The following GRIN3A variants were observed in gnomAD, a reference collection of about 807,000 sequenced individuals.
GRIN3A encodes the protein glutamate ionotropic receptor NMDA type subunit 3A, also known as glutamate receptor ionotropic, NMDA 3A.
Under a neutral mutation model 92.4 loss-of-function variants are expected in GRIN3A, and 47 were observed. The observed-to-expected ratio is 0.51, with a 90% confidence interval of 0.40 to 0.65. GRIN3A has a LOEUF of 0.65. Among genes scored for constraint, GRIN3A ranks in the 30% least tolerant of loss-of-function variants. GRIN3A has a pLI of 0.00. For synonymous variants in GRIN3A, 527 were observed against 540.6 expected (o/e 0.97, Z 0.35); for missense variants, 1,324 against 1,393.1 (o/e 0.95, Z 0.79).
rs139169455 is a variant in GRIN3A at position 101,579,525 on chromosome 9, A to G, written c.2767-165T>C. Among the ~76,000 whole-genome samples the G allele has an allele frequency of 3.3e-5, 5 of 152,326 alleles. No homozygotes were observed. The East Asian group carries it at 9.6e-4, about 29-fold the overall frequency. The stretch of plus-strand genomic sequence containing the variant: ...TGTGACCTTCATTATACATCATGAA[A>G]GAAATTCAGCCAGGGTTGGACTGAG... On this transcript the variant is annotated intron_variant, in intron 6 of 8. Transcript: ENST00000361820.
intron 6 of GRIN3A, among the ~76,000 whole-genome samples, chr9:101,609,861 T>A (rs1828336487): frequency 6.6e-6 from 1 of 152,206 alleles, no homozygotes; most frequent in Admixed American, 6.5e-5. Context: ...TCAAATTTTT[T>A]AAATTAAAAA....
intron 6 of GRIN3A, among the ~76,000 whole-genome samples, chr9:101,606,906 A>ATTTTTTTTT (rs536780165): frequency 6.6e-4 from 57 of 86,208 alleles, no homozygotes; most frequent in African/African-American, 8.3e-4. Context: ...AAAAAATTAC[A>ATTTTTTTTT]TTTTTTTTTT....
chr9:101,719,852 G>A (rs1461965259), intron 1 of GRIN3A, among the ~76,000 whole-genome samples: 1 of 152,088 alleles, frequency 6.6e-6, no homozygotes, highest in African/African-American at 2.4e-5. Flanking sequence ...ATATAAACTA[G>A]CAATCCTAGC....
chr9:101,716,984 T>A (rs567865181), intron 1 of GRIN3A, among the ~76,000 whole-genome samples: 1 of 152,292 alleles, frequency 6.6e-6, no homozygotes, highest in African/African-American at 2.4e-5. Context: ...TTCAGTGACA[T>A]ACGATATCAC....
intron 2 of GRIN3A, among the ~76,000 whole-genome samples, chr9:101,684,785 A>T (rs1393641230): frequency 6.6e-6 from 1 of 152,230 alleles, no homozygotes; most frequent in Non-Finnish European, 1.5e-5. Context: ...TCCTTTTTAC[A>T]TGAGACAAAA....
At chr9:101,663,921 A>T (rs1287280124) in intron 3 of GRIN3A, among the ~76,000 whole-genome samples, 1 of 151,594 alleles carries the variant, frequency 6.6e-6, no homozygotes, top group Admixed American at 6.6e-5. Flanking sequence ...GCTGGAAAAG[A>T]AGTACTAGAA....
chr9:101,627,288 G>A (rs1193203218), intron 4 of GRIN3A, among the ~76,000 whole-genome samples: 1 of 152,064 alleles, frequency 6.6e-6, no homozygotes, highest in African/African-American at 2.4e-5. Context: ...AGAGAACAAG[G>A]CTTTTTCTCT....
At chr9:101,719,286 G>C (rs1174342973) in intron 1 of GRIN3A, among the ~76,000 whole-genome samples, 1 of 152,112 alleles carries the variant, frequency 6.6e-6, no homozygotes, top group Admixed American at 6.5e-5. Flanking sequence ...GGGTGTGGTG[G>C]CATGCGCCTG....
At chr9:101,702,688 C>G (rs376644657) in intron 1 of GRIN3A, among the ~76,000 whole-genome samples, 42 of 152,148 alleles carry the variant, frequency 2.8e-4, no homozygotes, top group African/African-American at 9.9e-4. Context: ...TATTGGACTC[C>G]ATTCTTGATA....
At chr9:101,589,803 A>G (rs1165719685) in intron 6 of GRIN3A, among the ~76,000 whole-genome samples, 1 of 152,122 alleles carries the variant, frequency 6.6e-6, no homozygotes, top group East Asian at 1.9e-4. Context: ...GGGGATAAAT[A>G]TTTTGTGTCC....
intron 3 of GRIN3A, among the ~76,000 whole-genome samples, chr9:101,634,559 G>C (rs1000561313): frequency 6.6e-5 from 10 of 152,018 alleles, no homozygotes; most frequent in African/African-American, 2.4e-4. Context: ...GATTCGGGGA[G>C]ATTAAACACC....
intron 1 of GRIN3A, among the ~76,000 whole-genome samples, chr9:101,708,914 T>C (rs556091495): frequency 1.3e-5 from 2 of 152,336 alleles, no homozygotes; most frequent in African/African-American, 2.4e-5. Context: ...TCCCACACAA[T>C]AGTAGAAAGC....
chr9:101,661,545 C>A (rs1179351064), intron 3 of GRIN3A, among the ~76,000 whole-genome samples: 2 of 151,766 alleles, frequency 1.3e-5, no homozygotes, highest in Non-Finnish European at 2.9e-5. Context: ...CCTTAAAAGG[C>A]TCTTCAATAT....
At chr9:101,735,733 C>A (rs1420105658) in intron 1 of GRIN3A, among the ~76,000 whole-genome samples, 2 of 151,850 alleles carry the variant, frequency 1.3e-5, no homozygotes, top group Non-Finnish European at 2.9e-5. Flanking sequence ...TAATGATGCA[C>A]CCTATGGATG....
intron 2 of GRIN3A, among the ~76,000 whole-genome samples, chr9:101,673,598 G>A (rs556244666): frequency 4.4e-4 from 67 of 152,256 alleles, no homozygotes; most frequent in African/African-American, 1.6e-3. Flanking sequence ...ACAATGCATA[G>A]CAAAATATAA....
At chr9:101,663,488 T>C (rs1829202189) in intron 3 of GRIN3A, among the ~76,000 whole-genome samples, 2 of 151,900 alleles carry the variant, frequency 1.3e-5, no homozygotes, top group African/African-American at 2.4e-5. Context: ...ACTCAGTTTC[T>C]TTCCCCTCAC....
intron 1 of GRIN3A, among the ~76,000 whole-genome samples, chr9:101,688,478 TAATGATA>T (rs1181889167): frequency 2.0e-5 from 3 of 152,198 alleles, no homozygotes; most frequent in African/African-American, 7.2e-5. Flanking sequence ...GCAAAGCTTG[TAATGATA>T]AAAACAGAGC....
chr9:101,674,402 C>A (rs913347223), intron 2 of GRIN3A, among the ~76,000 whole-genome samples: 1 of 151,890 alleles, frequency 6.6e-6, no homozygotes, highest in Non-Finnish European at 1.5e-5. Flanking sequence ...TCATAAAGGG[C>A]TTAAGGTGGT....
chr9:101,595,310 T>C (rs950247468), intron 6 of GRIN3A, among the ~76,000 whole-genome samples: 1 of 134,534 alleles, frequency 7.4e-6, no homozygotes, highest in African/African-American at 2.8e-5. Context: ...TTATTTTATC[T>C]ACTTATTTCT....
Sources: allele counts gnomAD v4.1 joint callset (sites outside exome capture counted in the v4.1 genomes callset), GRCh38; gene constraint gnomAD v4.1.1; transcripts MANE v1.5; gene names NCBI Gene and HGNC (gene_info 2026-07-23, HGNC 2026-07-21).